Variants in NAALADL2 observed in about 807,000 individuals in gnomAD.
NAALADL2 encodes inactive N-acetylated-alpha-linked acidic dipeptidase-like protein 2.
A neutral mutation model predicts 87.2 loss-of-function variants in NAALADL2; 76 were observed. The observed-to-expected ratio is 0.87, with a 90% CI of 0.72 to 1.05. The LOEUF is 1.05. Among genes scored for constraint, NAALADL2 ranks in the 50% least tolerant of loss-of-function variants. NAALADL2 has a pLI of 0.00. For synonymous variants in NAALADL2, 354 were observed against 331.0 expected (o/e 1.07, Z -0.75); for missense variants, 1,089 against 945.8 (o/e 1.15, Z -1.99).
chr3:174,924,910 T>C (rs1057105924), intron 1 of NAALADL2, among the ~76,000 whole-genome samples: 1 of 152,198 alleles, frequency 6.6e-6, no homozygotes, highest in Non-Finnish European at 1.5e-5. Context: ...CAGTTTTTGA[T>C]GGGGTTGTTT....
At chr3:175,462,432 G>C (rs1379108533) in intron 6 of NAALADL2, among the ~76,000 whole-genome samples, 1 of 151,976 alleles carries the variant, frequency 6.6e-6, no homozygotes, top group East Asian at 1.9e-4. Context: ...CATTTAATTT[G>C]TTTGAAAGTG....
intron 2 of NAALADL2, among the ~76,000 whole-genome samples, chr3:174,649,060 A>G (rs1219888749): frequency 5.9e-5 from 9 of 152,054 alleles, no homozygotes; most frequent in Admixed American, 5.9e-4. Context: ...TCCCAGGTTC[A>G]AGTGATGATT....
intron 11 of NAALADL2, among the ~76,000 whole-genome samples, chr3:175,660,108 G>T (rs1732044552): frequency 1.3e-5 from 2 of 152,074 alleles, no homozygotes; most frequent in South Asian, 4.1e-4. Context: ...GAGCCAACAA[G>T]CCTCTAGGCC....
At chr3:174,906,519 G>A (rs1455277194) in intron 1 of NAALADL2, among the ~76,000 whole-genome samples, 3 of 152,080 alleles carry the variant, frequency 2.0e-5, no homozygotes, top group Non-Finnish European at 4.4e-5. Flanking sequence ...CTCTGGATAG[G>A]CCTACATGGC....
intron 3 of NAALADL2, among the ~76,000 whole-genome samples, chr3:175,244,982 A>G (rs1464808162): frequency 6.6e-6 from 1 of 152,166 alleles, no homozygotes; most frequent in African/African-American, 2.4e-5. Flanking sequence ...TTTCCTCCCT[A>G]TCTTCAGAAA....
chr3:174,972,750 C>T (rs963487339), intron 1 of NAALADL2, among the ~76,000 whole-genome samples: 9 of 152,096 alleles, frequency 5.9e-5, no homozygotes, highest in African/African-American at 2.2e-4. Context: ...TATCCCAACA[C>T]TTTGGGAGGC....
In NAALADL2 at chr3:174,552,657, G is replaced by A. The variant is rs1298349628; in HGVS notation, c.-115+2020G>A. The stretch of plus-strand genomic sequence containing the variant: ...AAAAAAATACCAAAATTAGCTGGAT[G>A]TGGTGGCACAGGCCTGTAGTCCCAG... On this transcript the variant is annotated intron_variant, in intron 2 of 3. Transcript: ENST00000434257. 2.0e-5 allele frequency among the ~76,000 whole-genome samples: 3 copies of A among 151,956 alleles called. 1 individual carries two copies. The South Asian group carries it at 6.2e-4, about 32-fold the overall frequency.
At chr3:175,076,090 T>G (rs1399481486) in intron 1 of NAALADL2, among the ~76,000 whole-genome samples, 2 of 152,036 alleles carry the variant, frequency 1.3e-5, no homozygotes, top group South Asian at 2.1e-4. Context: ...TAGCCAGTTG[T>G]GGTGCTGCAA....
intron 5 of NAALADL2, among the ~76,000 whole-genome samples, chr3:175,328,667 G>T (rs1213474738): frequency 1.3e-5 from 2 of 152,108 alleles, no homozygotes; most frequent in Non-Finnish European, 2.9e-5. Context: ...TGAAGCACAA[G>T]AACCCTGCAT....
intron 2 of NAALADL2, among the ~76,000 whole-genome samples, chr3:174,676,751 TTAAG>T (rs1578512457): frequency 1.3e-5 from 2 of 151,920 alleles, no homozygotes; most frequent in East Asian, 1.9e-4. Flanking sequence ...AAGGTCTTTA[TTAAG>T]TAACATTTAC....
chr3:175,677,235 C>T (rs139890719), intron 11 of NAALADL2, among the ~76,000 whole-genome samples: 87 of 151,922 alleles, frequency 5.7e-4, no homozygotes, highest in African/African-American at 1.9e-3. Context: ...TGGTGGTGTG[C>T]GCCTGTAGTC....
intron 2 of NAALADL2, among the ~76,000 whole-genome samples, chr3:174,634,832 T>G (rs900098023): frequency 4.6e-5 from 7 of 152,298 alleles, no homozygotes; most frequent in African/African-American, 1.7e-4. Flanking sequence ...TTTTGTCATT[T>G]TTTGATGGGT....
chr3:175,090,925 A>G lies in NAALADL2; in HGVS notation c.44-5865A>G. ...TAAATAAAGAATTCTTGATGCATTT[A>G]CAGATACTATAGCAGTTGCCAAGAC... On this transcript the variant is annotated intron_variant, in intron 1 of 13. Coordinates refer to ENST00000454872, the MANE Select transcript of NAALADL2 (RefSeq NM_207015.3). 1.3e-5 allele frequency among the ~76,000 whole-genome samples: 2 copies of G among 152,056 alleles called. 1 individual carries two copies. The highest frequency in any genetic ancestry group is 2.9e-5 in the Non-Finnish European group (2 of 68,004).
At chr3:175,289,451 C>T (rs1212661422) in intron 4 of NAALADL2, among the ~76,000 whole-genome samples, 1 of 151,768 alleles carries the variant, frequency 6.6e-6, no homozygotes. Context: ...GAACCTTGAC[C>T]CTGAAATAAT....
At chr3:175,595,510 A>T (rs1014024669) in intron 10 of NAALADL2, among the ~76,000 whole-genome samples, 23 of 152,066 alleles carry the variant, frequency 1.5e-4, no homozygotes, top group African/African-American at 5.6e-4. Flanking sequence ...AGGCTGCTAG[A>T]ACTGATAAAC....
chr3:175,188,870 G>C (rs1342991078), intron 2 of NAALADL2, among the ~76,000 whole-genome samples: 1 of 151,942 alleles, frequency 6.6e-6, no homozygotes, highest in Non-Finnish European at 1.5e-5. Flanking sequence ...CAGAACTGTA[G>C]CTATGCCCTG....
At chr3:174,716,649 AAAAT>A (rs542697537) in intron 2 of NAALADL2, among the ~76,000 whole-genome samples, 6 of 152,184 alleles carry the variant, frequency 3.9e-5, no homozygotes, top group Admixed American at 3.9e-4. Flanking sequence ...ATTAAAAAAA[AAAAT>A]AGACCCTGTC....
At chr3:175,368,134 T>C (rs1194144776) in intron 5 of NAALADL2, among the ~76,000 whole-genome samples, 2 of 152,204 alleles carry the variant, frequency 1.3e-5, no homozygotes, top group Admixed American at 6.5e-5. Context: ...TTGTCTTTGG[T>C]TCTGTTTATA....
chr3:174,915,414 A>G (rs1183652455), intron 1 of NAALADL2, among the ~76,000 whole-genome samples: 1 of 152,128 alleles, frequency 6.6e-6, no homozygotes, highest in South Asian at 2.1e-4. Flanking sequence ...GGAACATTAG[A>G]TATCTTTCTA....
Sources: allele counts gnomAD v4.1 joint callset (sites outside exome capture counted in the v4.1 genomes callset), GRCh38; gene constraint gnomAD v4.1.1; transcripts MANE v1.5; gene names NCBI Gene and HGNC (gene_info 2026-07-23, HGNC 2026-07-21).